Variants in GCNT2 observed in about 807,000 individuals in gnomAD.
The protein encoded by GCNT2 is glucosaminyl (N-acetyl) transferase 2 (I blood group).
In GCNT2, 34 loss-of-function variants were observed where a neutral mutation model predicts 34.2. That is an observed-to-expected ratio of 1.00 (90% CI 0.76 to 1.32). The LOEUF is 1.32. Among genes scored for constraint, GCNT2 ranks in the 40% most tolerant of loss-of-function variants. GCNT2 has a pLI of 0.00. For missense variants in GCNT2, 584 were observed against 489.4 expected (o/e 1.19, Z -1.82); for synonymous variants, 212 against 188.0 (o/e 1.13, Z -1.04).
chr6:10,593,038 G>A (rs191031177), intron 3 of GCNT2, among the ~76,000 whole-genome samples: 1 of 152,324 alleles, frequency 6.6e-6, no homozygotes, highest in African/African-American at 2.4e-5. Context: ...ACCACGCCCA[G>A]CCTTAATTAG....
intron 3 of GCNT2, among the ~76,000 whole-genome samples, chr6:10,592,576 A>C (rs926049017): frequency 6.6e-5 from 10 of 152,174 alleles, no homozygotes; most frequent in Non-Finnish European, 1.0e-4. Flanking sequence ...CATTTGTAGA[A>C]TCATTTGTGA....
intron 3 of GCNT2, among the ~76,000 whole-genome samples, chr6:10,539,782 TG>T (rs2113577579): frequency 6.6e-6 from 1 of 152,310 alleles, no homozygotes; most frequent in Non-Finnish European, 1.5e-5. Flanking sequence ...GTCTAATTTT[TG>T]GTTAGAAATC....
intron 3 of GCNT2, among the ~76,000 whole-genome samples, chr6:10,551,742 TA>T (rs1762491480): frequency 6.7e-6 from 1 of 149,126 alleles, no homozygotes; most frequent in South Asian, 2.1e-4. Flanking sequence ...TGCGCCTGGC[TA>T]TTTTTTTTTA....
In GCNT2 at chr6:10,572,496, G is replaced by A. The variant is rs113621312; in HGVS notation, c.925+42660G>A. 4.4e-3 allele frequency among the ~76,000 whole-genome samples: 670 copies of A among 152,214 alleles called. 8 individuals carry two copies. The highest frequency in any genetic ancestry group is 0.015 in the African/African-American group (637 of 41,538). On this transcript the variant is annotated intron_variant, in intron 3 of 4. Coordinates refer to ENST00000495262, the MANE Select transcript of GCNT2 (RefSeq NM_145649.5). The stretch of plus-strand genomic sequence containing the variant: ...CCCAGCACTTTGGGAGGTCAAGGAG[G>A]CCAAGGCAGGCGGATCATGAAGTCA...
intron 3 of GCNT2, among the ~76,000 whole-genome samples, chr6:10,544,981 T>TAAATAAATA (rs1762208132): frequency 6.6e-6 from 1 of 151,540 alleles, no homozygotes; most frequent in African/African-American, 2.4e-5. Flanking sequence ...AATAAATAAA[T>TAAATAAATA]GAGGTGGTCA....
chr6:10,603,998 C>T (rs879753937), intron 3 of GCNT2, among the ~76,000 whole-genome samples: 4 of 151,478 alleles, frequency 2.6e-5, no homozygotes, highest in Non-Finnish European at 2.9e-5. Context: ...CCGGTTCAAA[C>T]GATTCTCTTG....
At chr6:10,590,397 C>CA (rs35949177) in intron 3 of GCNT2, among the ~76,000 whole-genome samples, 21,356 of 112,670 alleles carry the variant, frequency 0.19, 1,803 homozygotes, top group African/African-American at 0.25. Context: ...GACTCTGTCT[C>CA]AAAAAAAAAA....
intron 3 of GCNT2, among the ~76,000 whole-genome samples, chr6:10,577,511 CCATGGTTT>C (rs1232093497): frequency 6.6e-6 from 1 of 152,070 alleles, no homozygotes; most frequent in South Asian, 2.1e-4. Context: ...TTCCATGGTT[CCATGGTTT>C]GTTGAATGCG....
At chr6:10,559,199 A>C (rs1762856214) in intron 3 of GCNT2, among the ~76,000 whole-genome samples, 1 of 152,190 alleles carries the variant, frequency 6.6e-6, no homozygotes, top group African/African-American at 2.4e-5. Flanking sequence ...CAAGGGAAAA[A>C]GAATTCCCCT....
intron 3 of GCNT2, chr6:10,585,898 A>C (rs1303901452): frequency 1.3e-5 from 21 of 1,586,452 alleles, no homozygotes; most frequent in Non-Finnish European, 1.8e-5. Context: ...GTCGAAATTC[A>C]AGACTGGCAA....
intron 3 of GCNT2, among the ~76,000 whole-genome samples, chr6:10,535,769 G>A (rs1761723555): frequency 6.6e-6 from 1 of 152,188 alleles, no homozygotes; most frequent in Non-Finnish European, 1.5e-5. Context: ...TTTGTGGGCG[G>A]TGGGAGGAAG....
At chr6:10,578,202 C>T (rs536471063) in intron 3 of GCNT2, among the ~76,000 whole-genome samples, 2 of 151,776 alleles carry the variant, frequency 1.3e-5, no homozygotes, top group African/African-American at 4.8e-5. Flanking sequence ...ACCAGCCTAG[C>T]CAACGTAGTG....
intron 3 of GCNT2, among the ~76,000 whole-genome samples, chr6:10,579,134 G>A (rs897571878): frequency 6.6e-6 from 1 of 152,074 alleles, no homozygotes; most frequent in Non-Finnish European, 1.5e-5. Flanking sequence ...TGATTGTCAT[G>A]TACTCTGCCT....
At chr6:10,599,779 T>C (rs914062507) in intron 3 of GCNT2, among the ~76,000 whole-genome samples, 1 of 152,226 alleles carries the variant, frequency 6.6e-6, no homozygotes, top group Admixed American at 6.5e-5. Flanking sequence ...AGGCACATGC[T>C]GTGAGCCATG....
intron 3 of GCNT2, among the ~76,000 whole-genome samples, chr6:10,617,790 T>C (rs1230954970): frequency 2.2e-5 from 3 of 139,314 alleles, no homozygotes; most frequent in African/African-American, 9.4e-5. Flanking sequence ...GGTCTCACTC[T>C]GTTGCCCAGG....
chr6:10,598,685 A>C (rs1437598676), intron 3 of GCNT2, among the ~76,000 whole-genome samples: 2 of 152,092 alleles, frequency 1.3e-5, no homozygotes. Context: ...CTTGTTTCCA[A>C]GAGTATTTTC....
intron 3 of GCNT2, among the ~76,000 whole-genome samples, chr6:10,609,613 G>A (rs1011078797): frequency 1.3e-5 from 2 of 152,290 alleles, no homozygotes; most frequent in East Asian, 3.9e-4. Flanking sequence ...GGATCTTCCT[G>A]GCCGGAATGT....
At chr6:10,616,349 A>T (rs1765762173) in intron 3 of GCNT2, among the ~76,000 whole-genome samples, 1 of 151,854 alleles carries the variant, frequency 6.6e-6, no homozygotes, top group Non-Finnish European at 1.5e-5. Flanking sequence ...ATTGCAAAGG[A>T]CAAAAGAACA....
intron 3 of GCNT2, chr6:10,586,550 C>T (rs142440506): frequency 1.9e-5 from 30 of 1,614,012 alleles, no homozygotes; most frequent in Middle Eastern, 3.3e-4. Flanking sequence ...GGAAGTACGT[C>T]ATCAACACCT....
Sources: gnomAD v4.1 joint callset for allele counts (sites outside exome capture counted in the v4.1 genomes callset) on GRCh38, gnomAD v4.1.1 for gene constraint, MANE v1.5 for transcripts, NCBI Gene and HGNC (gene_info 2026-07-23, HGNC 2026-07-21) for gene names.